The following RASEF variants were observed in gnomAD, a reference collection of about 807,000 sequenced individuals.
RASEF encodes the protein ras and EF-hand domain-containing protein.
RASEF carries 68 observed loss-of-function variants against 90.1 expected under a neutral mutation model. The ratio of observed to expected loss-of-function variants is 0.75; its 90% confidence interval spans 0.62 to 0.92. The LOEUF (loss-of-function observed/expected upper bound fraction) is 0.92, where lower values mean the gene tolerates loss of function less well. Ranked by LOEUF, RASEF falls within the 40% of genes least tolerant of loss-of-function variation. RASEF has a pLI of 0.00. For missense variants in RASEF, 949 were observed against 937.2 expected (o/e 1.01, Z -0.16); for synonymous variants, 331 against 345.2 (o/e 0.96, Z 0.46).
chr9:83,000,822 A>G, intron 10 of RASEF, 74 bp downstream of exon 10: 1 of 1,290,368 alleles, frequency 7.7e-7, no homozygotes, highest in Non-Finnish European at 1.1e-6. Context: ...TTTCCATGAC[A>G]GATAGAAGGC....
the RASEF span, among the ~76,000 whole-genome samples, chr9:83,077,913 A>G: frequency 1.3e-5 from 2 of 152,084 alleles, no homozygotes; most frequent in African/African-American, 4.8e-5. Flanking sequence ...AACTAAGTCC[A>G]CTCCAGAATT....
At chr9:83,069,534 T>A in the RASEF span, among the ~76,000 whole-genome samples, 1 of 152,222 alleles carries the variant, frequency 6.6e-6, no homozygotes, top group Admixed American at 6.5e-5. Context: ...CATTATACAT[T>A]ATACCACAGA....
chr9:83,042,330 G>A (rs1829858221), intron 1 of RASEF, among the ~76,000 whole-genome samples: 1 of 152,140 alleles, frequency 6.6e-6, no homozygotes. Context: ...ATCTTGGTGT[G>A]TAGTTTTTTA....
the RASEF span, among the ~76,000 whole-genome samples, chr9:83,196,668 G>A: frequency 1.8e-4 from 27 of 152,304 alleles, no homozygotes; most frequent in Non-Finnish European, 3.7e-4. Flanking sequence ...CAGCTGTGCT[G>A]CTGCATAATA....
At chr9:83,214,798 G>C in the RASEF span, among the ~76,000 whole-genome samples, 1 of 151,964 alleles carries the variant, frequency 6.6e-6, no homozygotes, top group Non-Finnish European at 1.5e-5. Context: ...GGCCTCCCCA[G>C]CCATGTAGAA....
At chr9:83,089,302 G>A in the RASEF span, among the ~76,000 whole-genome samples, 1 of 151,964 alleles carries the variant, frequency 6.6e-6, no homozygotes, top group Non-Finnish European at 1.5e-5. Flanking sequence ...AAATAAGATA[G>A]AAATAAAAAT....
chr9:83,183,262 GTATATA>G, the RASEF span, among the ~76,000 whole-genome samples: 74,657 of 150,020 alleles, frequency 0.5, 21,354 homozygotes, highest in African/African-American at 0.78. Flanking sequence ...TTGTGTGTGT[GTATATA>G]TATATATATA....
chr9:83,207,979 C>T, the RASEF span, among the ~76,000 whole-genome samples: 1 of 152,086 alleles, frequency 6.6e-6, no homozygotes, highest in East Asian at 1.9e-4. Flanking sequence ...TCAGTCTCTC[C>T]TTCTGTTCTT....
chr9:83,060,862 T>G (rs1451847765), intron 1 of RASEF, among the ~76,000 whole-genome samples: 1 of 152,126 alleles, frequency 6.6e-6, no homozygotes, highest in Admixed American at 6.5e-5. Context: ...TGTAGTAATC[T>G]CTGAAGAATT....
chr9:83,154,702 A>G, the RASEF span, among the ~76,000 whole-genome samples: 1 of 152,214 alleles, frequency 6.6e-6, no homozygotes, highest in South Asian at 2.1e-4. Flanking sequence ...CCTTGCTCAC[A>G]ATCCAATTTT....
At chr9:83,153,730 G>A in the RASEF span, among the ~76,000 whole-genome samples, 1 of 152,168 alleles carries the variant, frequency 6.6e-6, no homozygotes, top group Admixed American at 6.5e-5. Context: ...CTAGTCCTCA[G>A]TACCAAGGGA....
At chr9:83,065,377 T>C (rs181681775), upstream of RASEF, among the ~76,000 whole-genome samples, 8 of 152,328 alleles carry the variant, frequency 5.3e-5, no homozygotes, top group South Asian at 1.2e-3. Flanking sequence ...CTCATTTTTC[T>C]GGAAGCTGGT....
At chr9:83,198,780 G>T in the RASEF span, among the ~76,000 whole-genome samples, 1 of 152,098 alleles carries the variant, frequency 6.6e-6, no homozygotes, top group Non-Finnish European at 1.5e-5. Flanking sequence ...GATGAGAAAA[G>T]GCAGAAGGAG....
chr9:83,089,846 A>C, the RASEF span, among the ~76,000 whole-genome samples: 1 of 152,102 alleles, frequency 6.6e-6, no homozygotes, highest in Non-Finnish European at 1.5e-5. Flanking sequence ...TTCTCCAAAT[A>C]CTGTTCCTGA....
the RASEF span, among the ~76,000 whole-genome samples, chr9:83,158,174 C>A: frequency 6.6e-6 from 1 of 152,022 alleles, no homozygotes; most frequent in East Asian, 1.9e-4. Context: ...TAAAAATGGA[C>A]AATCATGCAA....
At chr9:83,193,665 G>T in the RASEF span, among the ~76,000 whole-genome samples, 4 of 152,166 alleles carry the variant, frequency 2.6e-5, no homozygotes, top group Non-Finnish European at 4.4e-5. Flanking sequence ...ATACATGCTT[G>T]TTTGTGGTAT....
the RASEF span, among the ~76,000 whole-genome samples, chr9:83,152,513 C>G: frequency 6.6e-6 from 1 of 152,262 alleles, no homozygotes; most frequent in South Asian, 2.1e-4. Flanking sequence ...CCCTCCCAAG[C>G]CTCTGCTTAA....
At chr9:83,094,300 C>A in the RASEF span, among the ~76,000 whole-genome samples, 1 of 148,746 alleles carries the variant, frequency 6.7e-6, no homozygotes, top group Non-Finnish European at 1.5e-5. Context: ...ACATTGTGAA[C>A]ACTTAGTACA....
the RASEF span, among the ~76,000 whole-genome samples, chr9:83,211,738 G>A: frequency 1.3e-5 from 2 of 152,200 alleles, no homozygotes; most frequent in Non-Finnish European, 2.9e-5. Flanking sequence ...GAGTAAAGAT[G>A]ACTTGGCTAT....
Sources: gnomAD v4.1 joint callset for allele counts (sites outside exome capture counted in the v4.1 genomes callset) on GRCh38, gnomAD v4.1.1 for gene constraint, MANE v1.5 for transcripts, NCBI Gene and HGNC (gene_info 2026-07-23, HGNC 2026-07-21) for gene names.